UBN2: variants seen among roughly 807,000 people sequenced by gnomAD.
UBN2 encodes the protein ubinuclein-2.
UBN2 carries 35 observed loss-of-function variants against 120.2 expected under a neutral mutation model. That is an observed-to-expected ratio of 0.29 (90% CI 0.22 to 0.39). The LOEUF (loss-of-function observed/expected upper bound fraction) is 0.39, where lower values mean the gene tolerates loss of function less well. Among genes scored for constraint, UBN2 ranks in the 10% least tolerant of loss-of-function variants. The pLI is 1.00. For missense variants in UBN2, 1,693 were observed against 1,663.2 expected (o/e 1.02, Z -0.31); for synonymous variants, 661 against 648.7 (o/e 1.02, Z -0.29).
At chr7:139,248,831 C>G (rs950935718) in intron 2 of UBN2, among the ~76,000 whole-genome samples, 1 of 152,038 alleles carries the variant, frequency 6.6e-6, no homozygotes, top group Non-Finnish European at 1.5e-5. Flanking sequence ...TCCTACCAAC[C>G]TCTCTCTTTC....
intron 7 of UBN2, among the ~76,000 whole-genome samples, chr7:139,268,711 G>A (rs1797172964): frequency 6.6e-6 from 1 of 152,062 alleles, no homozygotes; most frequent in Admixed American, 6.5e-5. Context: ...TTGACCTGCC[G>A]GGCAATTGCC....
intron 10 of UBN2, 55 bp downstream of exon 10, chr7:139,273,465 A>AT: frequency 8.3e-7 from 1 of 1,202,478 alleles, no homozygotes; most frequent in Non-Finnish European, 1.1e-6. Context: ...AAGATTCCTC[A>AT]TTAAAAAAAA....
intron 2 of UBN2, among the ~76,000 whole-genome samples, chr7:139,237,722 A>G (rs1796202980): frequency 6.6e-6 from 1 of 152,200 alleles, no homozygotes; most frequent in Admixed American, 6.5e-5. Flanking sequence ...ACACAGTGGC[A>G]AGAGTAGGCT....
intron 2 of UBN2, among the ~76,000 whole-genome samples, chr7:139,244,881 GA>G (rs928067916): frequency 2.0e-5 from 3 of 152,004 alleles, no homozygotes; most frequent in African/African-American, 7.2e-5. Flanking sequence ...TAACATTTAG[GA>G]AACTCTTCTT....
intron 2 of UBN2, among the ~76,000 whole-genome samples, chr7:139,243,950 A>G (rs1796390625): frequency 6.6e-6 from 1 of 152,234 alleles, no homozygotes; most frequent in South Asian, 2.1e-4. Flanking sequence ...GAGGAGTTCA[A>G]AACTTTGGTA....
rs1336531578 is a variant in UBN2, at chr7:139,237,083, T to C, written c.547T>C (p.Phe183Leu). The change falls in exon 2 of 18, where the codon TTT becomes CTT. Residue 183 changes from phenylalanine to leucine, a missense_variant. This residue lies in a region of UBN2 where 663 missense variants were observed against 591.2 expected (regional missense o/e 1.12). Transcript: ENST00000473989. ...RQEVEMLAKKFEMKYGGKPRK... is the reference protein window; with the variant it reads ...RQEVEMLAKKLEMKYGGKPRK... Reference sequence around the variant, plus strand: ...AGAGGTGGAAATGTTGGCTAAGAAGTTTGAAATGAAATATGTGAGTATAAT... The same window carrying C: ...AGAGGTGGAAATGTTGGCTAAGAAGCTTGAAATGAAATATGTGAGTATAAT... 6.2e-7 allele frequency: 1 copy of C among 1,609,120 alleles called. No individual in the cohort carries two copies. The highest frequency in any genetic ancestry group is 8.5e-7 in the Non-Finnish European group (1 of 1,176,810).
chr7:139,297,354 T>G (rs1003576354), intron 17 of UBN2, among the ~76,000 whole-genome samples: 14 of 151,860 alleles, frequency 9.2e-5, no homozygotes, highest in Non-Finnish European at 2.1e-4. Flanking sequence ...TATGAAATGC[T>G]GTGTCCTGGC....
the UBN2 span, among the ~76,000 whole-genome samples, chr7:139,315,564 A>G: frequency 6.6e-6 from 1 of 152,142 alleles, no homozygotes; most frequent in Admixed American, 6.5e-5. Flanking sequence ...GACTGTTTCC[A>G]CTTTTTAGCA....
chr7:139,238,749 T>TG (rs1437010695), intron 2 of UBN2, among the ~76,000 whole-genome samples: 1 of 152,146 alleles, frequency 6.6e-6, no homozygotes, highest in Non-Finnish European at 1.5e-5. Context: ...ATCTATAAAT[T>TG]GAGAGGTTCA....
At chr7:139,256,753 T>C (rs1474257515) in intron 3 of UBN2, among the ~76,000 whole-genome samples, 2 of 152,222 alleles carry the variant, frequency 1.3e-5, no homozygotes, top group Non-Finnish European at 2.9e-5. Context: ...AAGATCTTTA[T>C]AATAGTGTAG....
Position 139,283,112 on chromosome 7 carries a change from T to C in UBN2, c.2207T>C (p.Ile736Thr), listed in dbSNP as rs751391347. The C allele has an allele frequency of 2.5e-6, 4 of 1,612,924 alleles. No individual in the cohort carries two copies. The highest frequency in any genetic ancestry group is 3.4e-6 in the Non-Finnish European group (4 of 1,179,908). Residue 736 changes from isoleucine to threonine, a missense_variant, in exon 15 of 18, where the codon ATT (isoleucine) becomes ACT (threonine). Around this residue, in one of 5 missense-constraint regions of UBN2, gnomAD observed 837 missense variants for 817.6 expected, o/e 1.02. Transcript: ENST00000473989. ...CCAACGAGCTCCAGCACAGCTGCCA[T>C]TGCTGCAGCTAGCTCTAGCTCTGCA... ...GPPTSSSTAA[I>T]AAASSSSAPA... is the part of the protein sequence containing the mutation.
In UBN2 at chr7:139,293,218, T is replaced by C; in HGVS notation, c.3670-14T>C. On this transcript the variant is annotated splice_polypyrimidine_tract_variant and intron_variant, in intron 15 of 17. Transcript: ENST00000473989. ...TTTATTTCTTATGTATTTTGACCCC[T>C]GGTTTCTGCACAGTCCACAGCAGGA... is the stretch of plus-strand genomic sequence containing the variant. 6.2e-7 allele frequency: 1 copy of C among 1,609,728 alleles called. No individual in the cohort carries two copies. Among genetic ancestry groups the C allele is most frequent in the South Asian group, 1.1e-5 (1 of 90,918 alleles).
intron 2 of UBN2, among the ~76,000 whole-genome samples, chr7:139,250,455 A>G (rs1309925611): frequency 1.3e-5 from 2 of 151,958 alleles, no homozygotes; most frequent in East Asian, 3.9e-4. Context: ...GCTGGTCTCG[A>G]ACTCCTGGCC....
At chr7:139,308,439 A>C (rs1798402198), downstream of UBN2, among the ~76,000 whole-genome samples, 1 of 152,178 alleles carries the variant, frequency 6.6e-6, no homozygotes, top group Non-Finnish European at 1.5e-5. Context: ...TCTGTCACAA[A>C]GCTACATTTT....
At chr7:139,250,318 C>G (rs541069630) in intron 2 of UBN2, among the ~76,000 whole-genome samples, 32 of 151,962 alleles carry the variant, frequency 2.1e-4, no homozygotes, top group Admixed American at 8.5e-4. Context: ...CTGCAACGTC[C>G]GCCTCCCCAG....
intron 3 of UBN2, among the ~76,000 whole-genome samples, 196 bp downstream of exon 3, chr7:139,252,253 G>T (rs1796643594): frequency 6.6e-6 from 1 of 150,856 alleles, no homozygotes; most frequent in Non-Finnish European, 1.5e-5. Context: ...TGTAATTTTG[G>T]GTTTGTCTGT....
chr7:139,258,769 A>G (rs1044918742), intron 4 of UBN2, 144 bp downstream of exon 4: 145 of 688,082 alleles, frequency 2.1e-4, no homozygotes, highest in Non-Finnish European at 2.9e-4. Context: ...ATGCTTTAAA[A>G]TTAAATTATG....
chr7:139,231,457 G>A lies in UBN2; in HGVS notation c.-28G>A. ...GCCGTAGAAGCGAGCGCCGGCTCGA[G>A]CAAAAGCGGAGGGCCAGAACAGTGG... On this transcript the variant is annotated 5_prime_UTR_variant, in exon 1 of 18. Transcript: ENST00000473989. 7.7e-7 allele frequency: 1 copy of A among 1,296,618 alleles called. No homozygotes were observed. 80.3% of individuals were successfully genotyped at this position (1,296,618 alleles called of 1,614,324 possible).
chr7:139,260,322 T>C (rs1796893392), intron 5 of UBN2, among the ~76,000 whole-genome samples: 1 of 151,734 alleles, frequency 6.6e-6, no homozygotes, highest in Admixed American at 6.6e-5. Flanking sequence ...GGTCTCGAAC[T>C]CCTGGGCTCA....
Sources: gnomAD v4.1 joint callset for allele counts (sites outside exome capture counted in the v4.1 genomes callset) on GRCh38, gnomAD v4.1.1 for gene constraint, gnomAD v4.1.1 regional missense constraint, MANE v1.5 for transcripts, NCBI Gene and HGNC (gene_info 2026-07-23, HGNC 2026-07-21) for gene names.